Variants in MAK observed in about 807,000 individuals in gnomAD.
MAK encodes the protein male germ cell associated kinase, also known as serine/threonine-protein kinase MAK.
A neutral mutation model predicts 82.6 loss-of-function variants in MAK; 65 were observed. That is an observed-to-expected ratio of 0.79 (90% CI 0.64 to 0.97). The LOEUF (loss-of-function observed/expected upper bound fraction) is 0.97. Ranked by LOEUF, MAK falls within the 50% of genes least tolerant of loss-of-function variation. The pLI is 0.00. For synonymous variants in MAK, 250 were observed against 274.2 expected (o/e 0.91, Z 0.87); for missense variants, 703 against 780.2 (o/e 0.90, Z 1.18).
rs558401307 is a variant in MAK at position 10,793,291 on chromosome 6, T to C, written c.1144-1444A>G. ...GCAGCAAAGGGGATCAGCACATAGT[T>C]GAAGAACTTGACCAACAGTACTGAC... On this transcript the variant is annotated intron_variant, in intron 9 of 14. Transcript: ENST00000354489. This position sits in a 1 kb window ranked among gnomAD's most constrained non-coding sequence, Gnocchi z 4.6. Among the ~76,000 whole-genome samples the C allele has an allele frequency of 6.6e-6, 1 of 152,160 alleles. No individual in the cohort carries two copies. The highest frequency in any genetic ancestry group is 1.5e-5 in the Non-Finnish European group (1 of 68,032).
chr6:10,819,028 GT>G, intron 2 of MAK, 88 bp from the exon 3 acceptor site: 1 of 756,404 alleles, frequency 1.3e-6, no homozygotes, highest in East Asian at 2.7e-5. Flanking sequence ...TCCACTACTG[GT>G]TCACTTTGGG....
In MAK at chr6:10,801,931, C is replaced by T. The variant is rs1286196949; in HGVS notation, c.792G>A (p.Met264Ile). Reference protein sequence around the residue: ...SNEAIQLMTEMLNWDPKKRPT... With the variant: ...SNEAIQLMTEILNWDPKKRPT... The stretch of plus-strand genomic sequence containing the variant: ...GTCGTTTCTTTGGATCCCAATTCAA[C>T]ATTTCGGTCATGAGCTGAATAGCTT... Residue 264 changes from methionine to isoleucine, a missense_variant, in exon 8 of 15, where the codon ATG becomes ATA. Met to Ile is a conservative substitution (Grantham distance 10, BLOSUM62 1). Coordinates refer to ENST00000354489, the MANE Select transcript of MAK (RefSeq NM_001242957.3). 1 of 1,611,996 alleles carries T rather than the reference C, an allele frequency of 6.2e-7. No individual in the cohort carries two copies. The highest frequency in any genetic ancestry group is 2.2e-5 in the East Asian group (1 of 44,606).
At position 10,813,788 on chromosome 6, in the gene MAK, T is replaced by G. The variant is rs565736986; in HGVS notation, c.279-65A>C. ...CCAGCCAACCAATCCAAAGAAGGTT[T>G]ATATTCCCCCTGCCTTGGAGCCTCT... On this transcript the variant is annotated intron_variant, in intron 4 of 14. Transcript: ENST00000354489. 3.2e-4 allele frequency: 281 copies of G among 881,490 alleles called. 2 individuals are homozygous for G. The South Asian group carries it at 3.4e-3, about 11-fold the overall frequency. The allele number at this position is 881,490 out of a possible 1,614,324, so 54.6% of individuals were successfully genotyped here. A position where few individuals can be genotyped will look rare whatever the true frequency, so the allele number is the denominator to read the frequency against.
intron 9 of MAK, among the ~76,000 whole-genome samples, chr6:10,794,160 A>G (rs1775315666): frequency 6.6e-6 from 1 of 152,216 alleles, no homozygotes; most frequent in Non-Finnish European, 1.5e-5. Context: ...TAAAAGCTAG[A>G]AAACCAGATT....
In MAK at chr6:10,770,168, C is replaced by T; in HGVS notation, c.1735G>A (p.Glu579Lys). The stretch of plus-strand genomic sequence containing the variant: ...ATCCTCTGGCCAGCTGACTGCACTT[C>T]TTTTTTGAGAAAGGAAGGAATATAT... ...SGYIPSFLKK[E>K]VQSAGQRIHL... Residue 579 changes from glutamate to lysine, a missense_variant, in exon 14 of 15, where the codon GAA (glutamate) becomes AAA (lysine). Glu to Lys is a moderately conservative substitution (Grantham distance 56). Coordinates refer to ENST00000354489, the MANE Select transcript of MAK (RefSeq NM_001242957.3). 6.2e-7 allele frequency: 1 copy of T among 1,614,094 alleles called. No homozygotes were observed. Among genetic ancestry groups the T allele is most frequent in the Non-Finnish European group, 8.5e-7 (1 of 1,180,032 alleles).
rs1772199543 is a variant in MAK, at chr6:10,764,386, T to A, written c.*66A>T. ...GTAGAAATAGACATTTGTAGACATTTCCCAGGGTCAAGGAACTTGCACGTA... is the reference window on the plus strand; with the variant it reads ...GTAGAAATAGACATTTGTAGACATTACCCAGGGTCAAGGAACTTGCACGTA... On this transcript the variant is annotated 3_prime_UTR_variant, in exon 15 of 15. Transcript: ENST00000354489. The A allele has an allele frequency of 2.6e-6, 4 of 1,539,912 alleles. No homozygotes were observed. Among genetic ancestry groups the A allele is most frequent in the African/African-American group, 1.4e-5 (1 of 73,304 alleles).
intron 12 of MAK, among the ~76,000 whole-genome samples, chr6:10,773,819 G>A (rs1773223037): frequency 6.6e-6 from 1 of 151,474 alleles, no homozygotes; most frequent in African/African-American, 2.4e-5. Flanking sequence ...AGTCTCCTGA[G>A]CAGCTGGATT....
chr6:10,831,035 C>T (rs569080592), intron 1 of MAK, among the ~76,000 whole-genome samples, 158 bp from the exon 2 acceptor site: 1 of 152,292 alleles, frequency 6.6e-6, no homozygotes, highest in South Asian at 2.1e-4. Flanking sequence ...ATGAAGTTCA[C>T]ATATAACTCA....
Position 10,780,230 on chromosome 6 carries a change from C to G in MAK, c.1465+4194G>C, listed in dbSNP as rs925678141. ...TTAAATCTCAATTATAGCCATCCTT[C>G]TGATCCCAAGTAATTTGCAGACTTT... On this transcript the variant is annotated intron_variant, in intron 11 of 14. Coordinates refer to ENST00000354489, the MANE Select transcript of MAK (RefSeq NM_001242957.3). The G allele has an allele frequency of 9.9e-5, 97 of 980,020 alleles. No homozygotes were observed. In the African/African-American group the frequency reaches 1.5e-3, roughly 16 times the overall value. 60.7% of individuals were successfully genotyped at this position (980,020 alleles called of 1,614,324 possible).
At chr6:10,770,882 A>C (rs1291509439) in intron 13 of MAK, among the ~76,000 whole-genome samples, 2 of 152,068 alleles carry the variant, frequency 1.3e-5, no homozygotes, top group Admixed American at 6.6e-5. Context: ...GAAATGAGGG[A>C]GGATGAGGGT....
At chr6:10,798,784 C>A (rs1049623912) in intron 8 of MAK, among the ~76,000 whole-genome samples, 2 of 151,136 alleles carry the variant, frequency 1.3e-5, no homozygotes. Flanking sequence ...ATGCACATAA[C>A]CTAAGTTTAG....
At chr6:10,806,334 T>TTTTTTTTGTTTTTG (rs1554181808) in intron 6 of MAK, among the ~76,000 whole-genome samples, 2 of 148,322 alleles carry the variant, frequency 1.3e-5, no homozygotes, top group Admixed American at 6.7e-5. Context: ...CCTGGCTAAT[T>TTTTTTTTGTTTTTG]TTTTTTGTTT....
intron 1 of MAK, among the ~76,000 whole-genome samples, chr6:10,833,815 C>A (rs868548322): frequency 8.0e-4 from 122 of 152,108 alleles, no homozygotes; most frequent in African/African-American, 2.5e-3. Flanking sequence ...TAAGCCCGAG[C>A]TAATAATCAT....
At chr6:10,825,585 T>C (rs1253505492) in intron 2 of MAK, among the ~76,000 whole-genome samples, 1 of 152,178 alleles carries the variant, frequency 6.6e-6, no homozygotes, top group Non-Finnish European at 1.5e-5. Context: ...AAATATTCAA[T>C]TGACTAAAAG....
rs367872772 is a variant in MAK, at chr6:10,808,950, A to G, written c.359-8T>C. 7 of 1,609,710 alleles carry G rather than the reference A, an allele frequency of 4.3e-6. No individual in the cohort carries two copies. The African/African-American group carries it at 8.0e-5, about 18-fold the overall frequency. ...TGTCCCTATGAAAAAAGCCTTGATG[A>G]TATACGGAGAAAAAAAAATACAGTA... On this transcript the variant is annotated splice_polypyrimidine_tract_variant and splice_region_variant and intron_variant, in intron 5 of 14. Transcript: ENST00000354489.
rs199594233 is a variant in MAK at position 10,764,580 on chromosome 6, G to A, written c.1819C>T (p.Arg607Trp). Residue 607 changes from arginine to tryptophan, a missense_variant, in exon 15 of 15, where the codon CGG becomes TGG. Arg to Trp is a moderately radical substitution (Grantham distance 101). Transcript: ENST00000354489. The part of the protein sequence containing the change: ...SEYTWNTKTG[R>W]GQFSGRTYNP... ...TAAGTACGTCCTGAAAACTGCCCCC[G>A]ACCAGTTTTTGTGTTCCAGGTATAT... 1.8e-4 allele frequency: 289 copies of A among 1,613,808 alleles called. No individual in the cohort carries two copies. Among genetic ancestry groups the A allele is most frequent in the Non-Finnish European group, 1.2e-4 (137 of 1,179,880 alleles).
chr6:10,792,054 C>T (rs1775134828), intron 9 of MAK, among the ~76,000 whole-genome samples: 1 of 152,174 alleles, frequency 6.6e-6, no homozygotes, highest in Non-Finnish European at 1.5e-5. Context: ...GAGGAGAGAT[C>T]TCTGTGAACT....
chr6:10,770,285 A>T (rs1201437931), intron 13 of MAK, 55 bp from the exon 14 acceptor site: 2 of 1,599,940 alleles, frequency 1.3e-6, no homozygotes, highest in Non-Finnish European at 1.7e-6. Flanking sequence ...TAGGCACAGT[A>T]GAATAACATT....
chr6:10,801,018 A>G (rs2127555229), intron 8 of MAK, among the ~76,000 whole-genome samples: 2 of 146,798 alleles, frequency 1.4e-5, no homozygotes, highest in Middle Eastern at 6.8e-3. Context: ...ATGTTCTGCA[A>G]CATTCAGCTA....
Sources: gnomAD v4.1 joint callset for allele counts (sites outside exome capture counted in the v4.1 genomes callset) on GRCh38, gnomAD v4.1.1 for gene constraint, Gnocchi (gnomAD v3.1) non-coding constraint, MANE v1.5 for transcripts, NCBI Gene and HGNC (gene_info 2026-07-23, HGNC 2026-07-21) for gene names.